The following PIEZO1 variants were observed in gnomAD, a reference collection of about 807,000 sequenced individuals.
The protein encoded by PIEZO1 is piezo type mechanosensitive ion channel component 1 (Er blood group), also known as piezo-type mechanosensitive ion channel component 1.
A neutral mutation model predicts 297.2 loss-of-function variants in PIEZO1; 296 were observed. The observed-to-expected ratio is 1.00, with a 90% CI of 0.91 to 1.10. The LOEUF is 1.10. PIEZO1 is among the 50% of genes least tolerant of loss of function. The pLI is 0.00. For missense variants in PIEZO1, 5,018 were observed against 3,455.5 expected (o/e 1.45, Z -11.34); for synonymous variants, 2,427 against 1,507.5 (o/e 1.61, Z -14.13).
In PIEZO1 at chr16:88,732,619, C is replaced by A; in HGVS notation, c.2778G>T (p.Leu926=). The A allele has an allele frequency of 6.5e-7, 1 of 1,549,236 alleles. No homozygotes were observed. Among genetic ancestry groups the A allele is most frequent in the Non-Finnish European group, 8.7e-7 (1 of 1,146,234 alleles). ...CCCTTCAACTCACCTGGATGTAGCC[C>A]AGGTTGGGGAACCCTTTCCGCACCC... ...WFGVRKGFPN[L]GYIQNHLQVL... The change falls in exon 20 of 51, where the codon CTG becomes CTT. Residue 926 remains leucine (L), a synonymous_variant. Transcript: ENST00000301015.
chr16:88,717,248 G>C, intron 44 of PIEZO1, 37 bp from the exon 45 acceptor site: 4 of 1,526,776 alleles, frequency 2.6e-6, no homozygotes, highest in Non-Finnish European at 3.5e-6. Flanking sequence ...GCTCAGCTCT[G>C]CCCTTCCTGC....
intron 27 of PIEZO1, 57 bp downstream of exon 27, chr16:88,726,223 CCCAT>C (rs1350272628): frequency 7.1e-7 from 1 of 1,400,834 alleles, no homozygotes; most frequent in African/African-American, 1.4e-5. Context: ...TGAGGAACCT[CCCAT>C]TGCCCCCTCC....
At chr16:88,735,530 C>A (rs921751894) in intron 12 of PIEZO1, among the ~76,000 whole-genome samples, 1 of 152,288 alleles carries the variant, frequency 6.6e-6, no homozygotes, top group Non-Finnish European at 1.5e-5. Context: ...CAGATCCATG[C>A]ACGCACCTGC....
intron 22 of PIEZO1, 77 bp downstream of exon 22, chr16:88,731,628 TG>T: frequency 1.8e-6 from 2 of 1,136,214 alleles, no homozygotes; most frequent in Non-Finnish European, 2.6e-6. Context: ...GACAGGAGTC[TG>T]GGGCAGGCGG....
At chr16:88,732,263 T>A in intron 21 of PIEZO1, 72 bp downstream of exon 21, 1 of 1,356,880 alleles carries the variant, frequency 7.4e-7, no homozygotes, top group Non-Finnish European at 1.0e-6. Flanking sequence ...TTGCGGTGCC[T>A]GCACGGTGCA....
intron 42 of PIEZO1, 25 bp downstream of exon 42, chr16:88,720,044 C>G (rs1348447126): frequency 1.3e-6 from 2 of 1,549,488 alleles, no homozygotes; most frequent in Non-Finnish European, 1.7e-6. Context: ...CCCTGGAGAC[C>G]GAGCGCCCCC....
intron 47 of PIEZO1, 26 bp downstream of exon 47, chr16:88,716,533 G>A: frequency 6.5e-7 from 1 of 1,537,392 alleles, no homozygotes; most frequent in Non-Finnish European, 8.8e-7. Context: ...CACCCACCCA[G>A]GCACTGCCCC....
Position 88,735,127 on chromosome 16 carries a change from C to T in PIEZO1, c.1669+8G>A, listed in dbSNP as rs1008639336. 1 of 1,549,852 alleles carries T rather than the reference C, an allele frequency of 6.5e-7. No individual in the cohort carries two copies. Among genetic ancestry groups the T allele is most frequent in the African/African-American group, 1.4e-5 (1 of 73,062 alleles). ...GAGGGCAACCCCCGCCTCTGGCCCACCACTCACCTGTGTCTGCCACGGTGA... is the reference window on the plus strand; with the variant it reads ...GAGGGCAACCCCCGCCTCTGGCCCATCACTCACCTGTGTCTGCCACGGTGA... On this transcript the variant is annotated splice_region_variant and intron_variant, in intron 13 of 50. Transcript: ENST00000301015.
chr16:88,757,317 GGC>G (rs199673726), intron 1 of PIEZO1, among the ~76,000 whole-genome samples: 5,495 of 71,098 alleles, frequency 0.077, 669 homozygotes, highest in African/African-American at 0.25. Flanking sequence ...GGGCGTTGCT[GGC>G]GGGGGGGTGG....
chr16:88,743,360 G>A lies in PIEZO1; in HGVS notation c.161-938C>T, dbSNP rs372521991. 8.2e-5 allele frequency: 37 copies of A among 452,228 alleles called. No homozygotes were observed. In the East Asian group the frequency reaches 9.1e-4, roughly 11 times the overall value. The allele number at this position is 452,228 out of a possible 1,614,324, so 28.0% of individuals were successfully genotyped here. Reference sequence around the variant, plus strand: ...TGTGGACAGCTTCCCTTTCCACCCCGGCACGTGCTGGCAGGAGCTTCCGGG... The same window carrying A: ...TGTGGACAGCTTCCCTTTCCACCCCAGCACGTGCTGGCAGGAGCTTCCGGG... On this transcript the variant is annotated intron_variant, in intron 2 of 50. Coordinates refer to ENST00000301015, the MANE Select transcript of PIEZO1 (RefSeq NM_001142864.4).
chr16:88,748,120 G>T (rs1268179682), intron 2 of PIEZO1, among the ~76,000 whole-genome samples: 1 of 152,184 alleles, frequency 6.6e-6, no homozygotes, highest in Non-Finnish European at 1.5e-5. Flanking sequence ...CTCTGCTGGG[G>T]AAGGTCTCTT....
In PIEZO1 at chr16:88,732,368, G is replaced by A. The variant is rs1461837781; in HGVS notation, c.2958C>T (p.Phe986=). The A allele has an allele frequency of 1.3e-6, 2 of 1,549,536 alleles. No homozygotes were observed. Among genetic ancestry groups the A allele is most frequent in the Non-Finnish European group, 1.7e-6 (2 of 1,146,456 alleles). ...DQDLLGCLKY[F]INFFFYKFGL... ...CGAATTTGTAGAAGAAGAAGTTGAT[G>A]AAGTACTTGAGGCAGCCGAGCAGAT... The change falls in exon 21 of 51, where the codon TTC becomes TTT. Residue 986 remains phenylalanine, a synonymous_variant. Transcript: ENST00000301015.
chr16:88,732,377 G>C lies in PIEZO1; in HGVS notation c.2949C>G (p.Leu983=). The C allele has an allele frequency of 1.9e-6, 3 of 1,549,752 alleles. No homozygotes were observed. The highest frequency in any genetic ancestry group is 2.4e-5 in the South Asian group (2 of 84,048). The part of the protein sequence containing the change: ...QQLDQDLLGC[L]KYFINFFFYK... Reference sequence around the variant, plus strand: ...AGAAGAAGAAGTTGATGAAGTACTTGAGGCAGCCGAGCAGATCCTGGTCCA... The same window carrying C: ...AGAAGAAGAAGTTGATGAAGTACTTCAGGCAGCCGAGCAGATCCTGGTCCA... The change falls in exon 21 of 51, where the codon CTC becomes CTG. Residue 983 remains leucine (L), a synonymous_variant. Coordinates refer to ENST00000301015, the MANE Select transcript of PIEZO1 (RefSeq NM_001142864.4).
At chr16:88,728,240 T>G (rs942912992) in intron 22 of PIEZO1, among the ~76,000 whole-genome samples, 2 of 152,220 alleles carry the variant, frequency 1.3e-5, no homozygotes, top group Non-Finnish European at 2.9e-5. Flanking sequence ...GAGGGAGCCG[T>G]GGCACTGCCG....
In PIEZO1 at chr16:88,727,573, G is replaced by A. The variant is rs1279722272; in HGVS notation, c.3285C>T (p.Asn1095=). The A allele has an allele frequency of 1.3e-6, 2 of 1,514,854 alleles. No homozygotes were observed. The highest frequency in any genetic ancestry group is 2.5e-5 in the East Asian group (1 of 40,488). The allele number at this position is 1,514,854 out of a possible 1,614,324, so 93.8% of individuals were successfully genotyped here. The change falls in exon 23 of 51, where the codon AAC becomes AAT. Residue 1095 remains asparagine (N), a synonymous_variant. Transcript: ENST00000301015. The part of the protein sequence containing the change: ...LYLPDFFRAP[N]STNLISDFLL... The stretch of plus-strand genomic sequence containing the variant: ...GGCACTCACTGATGAGGTTGGTGGA[G>A]TTGGGGGCCCGGAAGAAATCAGGCA...
Position 88,734,540 on chromosome 16 carries a change from T to C in PIEZO1, c.1998-2A>G, listed in dbSNP as rs1158351956. On this transcript the variant is annotated splice_acceptor_variant, in intron 15 of 50. Coordinates refer to ENST00000301015, the MANE Select transcript of PIEZO1 (RefSeq NM_001142864.4). LOFTEE classifies it high-confidence loss of function. Reference sequence around the variant, plus strand: ...TGCTCCAGGCCCAGGTCCCCCAGCCTGTGGAGGGGCAGCATCAGCACCGGC... The same window carrying C: ...TGCTCCAGGCCCAGGTCCCCCAGCCCGTGGAGGGGCAGCATCAGCACCGGC... 6.5e-7 allele frequency: 1 copy of C among 1,542,266 alleles called. No homozygotes were observed.
rs1004957709 is a variant in PIEZO1, at chr16:88,725,086, G to A, written c.4163-6C>T. 4 of 1,508,574 alleles carry A rather than the reference G, an allele frequency of 2.7e-6. No individual in the cohort carries two copies. The highest frequency in any genetic ancestry group is 5.3e-5 in the East Asian group (2 of 37,842). The allele number at this position is 1,508,574 out of a possible 1,614,324, so 93.4% of individuals were successfully genotyped here. ...GCCCCCTGGACTGTCGGGCCCTGTGGAGGGGCAGGGTGAGCATGAGGCAGC... is the reference window on the plus strand; with the variant it reads ...GCCCCCTGGACTGTCGGGCCCTGTGAAGGGGCAGGGTGAGCATGAGGCAGC... On this transcript the variant is annotated splice_region_variant and splice_polypyrimidine_tract_variant and intron_variant, in intron 29 of 50. Coordinates refer to ENST00000301015, the MANE Select transcript of PIEZO1 (RefSeq NM_001142864.4).
At chr16:88,763,074 T>A (rs1907004064) in intron 1 of PIEZO1, among the ~76,000 whole-genome samples, 1 of 152,110 alleles carries the variant, frequency 6.6e-6, no homozygotes, top group Non-Finnish European at 1.5e-5. Context: ...TTGGACAGGG[T>A]GCAGGTCCAG....
intron 1 of PIEZO1, among the ~76,000 whole-genome samples, chr16:88,759,064 G>T (rs1482767616): frequency 2.0e-5 from 3 of 152,232 alleles, no homozygotes; most frequent in Non-Finnish European, 4.4e-5. Flanking sequence ...CAAGGGGAAT[G>T]TTTTCATGCG....
Sources: gnomAD v4.1 joint callset for allele counts (sites outside exome capture counted in the v4.1 genomes callset) on GRCh38, gnomAD v4.1.1 for gene constraint, MANE v1.5 for transcripts, NCBI Gene and HGNC (gene_info 2026-07-23, HGNC 2026-07-21) for gene names.